MGRN1: variants seen among roughly 807,000 people sequenced by gnomAD.
The protein encoded by MGRN1 is mahogunin ring finger 1, also known as E3 ubiquitin-protein ligase MGRN1.
In MGRN1, 29 loss-of-function variants were observed where a neutral mutation model predicts 69.2. The observed-to-expected ratio is 0.42, with a 90% confidence interval of 0.31 to 0.57. MGRN1 has a LOEUF of 0.57. Among genes scored for constraint, MGRN1 ranks in the 20% least tolerant of loss-of-function variants. The probability of loss-of-function intolerance (pLI) is 0.15; values close to 1 mark genes in which losing one functional copy is unlikely to be tolerated. For synonymous variants in MGRN1, 470 were observed against 344.2 expected, an observed-to-expected ratio of 1.37 and a Z score of -4.04; for missense variants, 998 against 796.2, an observed-to-expected ratio of 1.25 and a Z score of -3.05.
intron 5 of MGRN1, among the ~76,000 whole-genome samples, chr16:4,662,892 C>G (rs112530000): frequency 2.0e-5 from 3 of 152,200 alleles, no homozygotes; most frequent in Non-Finnish European, 2.9e-5. Context: ...GTAGTCCCAC[C>G]TGGACATCCG....
At chr16:4,675,356 G>T (rs1012542051) in intron 10 of MGRN1, among the ~76,000 whole-genome samples, 4 of 152,054 alleles carry the variant, frequency 2.6e-5, no homozygotes, top group African/African-American at 9.7e-5. Context: ...AGTGGTCCTC[G>T]TGCCTCCTAA....
At chr16:4,685,421 C>T (rs749758830) in intron 16 of MGRN1, among the ~76,000 whole-genome samples, 13 of 152,222 alleles carry the variant, frequency 8.5e-5, no homozygotes, top group Non-Finnish European at 1.3e-4. Flanking sequence ...GGGAGGGTCT[C>T]GGGCCTTCTT....
intron 1 of MGRN1, among the ~76,000 whole-genome samples, chr16:4,644,928 A>G (rs2078242519): frequency 6.6e-6 from 1 of 152,132 alleles, no homozygotes; most frequent in Non-Finnish European, 1.5e-5. Context: ...TTGCTTTAAC[A>G]AACACTCTTC....
In MGRN1 at chr16:4,654,190, C is replaced by T. The variant is rs191087228; in HGVS notation, c.443+1366C>T. Among the ~76,000 whole-genome samples the T allele has an allele frequency of 7.5e-4, 114 of 152,286 alleles. 1 individual carries two copies. Among genetic ancestry groups the T allele is most frequent in the Non-Finnish European group, 1.3e-3 (89 of 68,020 alleles). On this transcript the variant is annotated intron_variant, in intron 4 of 16. Coordinates refer to ENST00000262370, the MANE Select transcript of MGRN1 (RefSeq NM_015246.4). ...CACCTCACTGGCACATAAGACACTC[C>T]TACCACCCGGGAAATTCCAAGGGTT...
In MGRN1 at chr16:4,688,386, C is replaced by A. The variant is rs77453132; in HGVS notation, c.1619-410C>A. On this transcript the variant is annotated intron_variant, in intron 16 of 16. Coordinates refer to ENST00000262370, the MANE Select transcript of MGRN1 (RefSeq NM_015246.4). ...GCTTGTTCTCACCCAGGGCCGCTCC[C>A]CACCCCTGCACCCTGGGTTGACCGA... 7 of 1,006,934 alleles carry A rather than the reference C, an allele frequency of 7.0e-6. No individual in the cohort carries two copies. The African/African-American group carries it at 1.2e-4, about 17-fold the overall frequency. 62.4% of individuals were successfully genotyped at this position (1,006,934 alleles called of 1,614,324 possible). A position where few individuals can be genotyped will look rare whatever the true frequency, so the allele number is the denominator to read the frequency against.
At position 4,668,762 on chromosome 16, in the gene MGRN1, T is replaced by TCACA. The variant is rs56203615; in HGVS notation, c.726+457_726+460dup. Among the ~76,000 whole-genome samples the TCACA allele has an allele frequency of 3.2e-3, 481 of 149,884 alleles. 2 individuals are homozygous for TCACA. The highest frequency in any genetic ancestry group is 0.011 in the African/African-American group (459 of 40,330). The stretch of plus-strand genomic sequence containing the variant: ...TACTGATACACACACATATACCCAT[T>TCACA]CACACACACATAGACATTCATACAC... On this transcript the variant is annotated intron_variant, in intron 8 of 16. Coordinates refer to ENST00000262370, the MANE Select transcript of MGRN1 (RefSeq NM_015246.4).
At position 4,683,384 on chromosome 16, in the gene MGRN1, C is replaced by T. The variant is rs980186462; in HGVS notation, c.1528+115C>T. 5.4e-6 allele frequency: 7 copies of T among 1,303,518 alleles called. No homozygotes were observed. In the African/African-American group the frequency reaches 7.4e-5, roughly 14 times the overall value. 80.7% of individuals were successfully genotyped at this position (1,303,518 alleles called of 1,614,324 possible). On this transcript the variant is annotated intron_variant, in intron 15 of 16. Coordinates refer to ENST00000262370, the MANE Select transcript of MGRN1 (RefSeq NM_015246.4). ...CCAGCACCTCTTCTGCCCCAGGAAC[C>T]CTCGGCCAAGAGGCCCCCCTCGGCG...
In MGRN1 at chr16:4,689,081, T is replaced by A; in HGVS notation, c.*173T>A. ...AGCACAGTGAACTGTCCCTTCTGAG[T>A]CTCCCTTTTCTACAGTTGATATATT... On this transcript the variant is annotated 3_prime_UTR_variant, in exon 17 of 17. Coordinates refer to ENST00000262370, the MANE Select transcript of MGRN1 (RefSeq NM_015246.4). 1.2e-6 allele frequency: 1 copy of A among 819,454 alleles called. No individual in the cohort carries two copies. The highest frequency in any genetic ancestry group is 1.8e-6 in the Non-Finnish European group (1 of 556,746). The allele number at this position is 819,454 out of a possible 1,614,324, so 50.8% of individuals were successfully genotyped here. A position where few individuals can be genotyped will look rare whatever the true frequency, so the allele number is the denominator to read the frequency against.
chr16:4,662,058 C>T (rs187907404), intron 5 of MGRN1, among the ~76,000 whole-genome samples: 3 of 152,260 alleles, frequency 2.0e-5, no homozygotes, highest in Admixed American at 6.5e-5. Context: ...CTCCCTGGTT[C>T]GCAGTCGGGT....
At chr16:4,667,590 C>G (rs2078833668) in intron 7 of MGRN1, among the ~76,000 whole-genome samples, 1 of 152,206 alleles carries the variant, frequency 6.6e-6, no homozygotes. Context: ...GTCCAACATT[C>G]TGGAAATTTC....
intron 3 of MGRN1, among the ~76,000 whole-genome samples, chr16:4,652,266 G>T (rs1567193719): frequency 6.6e-6 from 1 of 152,164 alleles, no homozygotes; most frequent in Non-Finnish European, 1.5e-5. Context: ...GCCGCACAGG[G>T]ACCCTGGGCA....
At chr16:4,657,096 G>A (rs1006213817) in intron 4 of MGRN1, 150 bp from the exon 5 acceptor site, 17 of 706,902 alleles carry the variant, frequency 2.4e-5, no homozygotes, top group Admixed American at 9.0e-5. Flanking sequence ...TGAGGGCCAC[G>A]TGGCCATGTA....
intron 1 of MGRN1, among the ~76,000 whole-genome samples, chr16:4,639,475 G>A (rs951695930): frequency 6.6e-6 from 1 of 152,186 alleles, no homozygotes; most frequent in Non-Finnish European, 1.5e-5. Context: ...TTCACCATTG[G>A]GCATCATTAG....
chr16:4,680,598 G>T (rs1233389173), intron 12 of MGRN1: 1 of 159,344 alleles, frequency 6.3e-6, no homozygotes, highest in Non-Finnish European at 1.4e-5. Context: ...GGCAGACCCA[G>T]CCGAAACCCT....
intron 12 of MGRN1, among the ~76,000 whole-genome samples, chr16:4,681,164 G>C (rs922781097): frequency 6.6e-6 from 1 of 152,208 alleles, no homozygotes; most frequent in Admixed American, 6.5e-5. Context: ...GCCCCTGACC[G>C]TGTCTCTCGC....
At chr16:4,668,608 ACACT>A (rs972900177) in intron 8 of MGRN1, among the ~76,000 whole-genome samples, 21 of 151,342 alleles carry the variant, frequency 1.4e-4, no homozygotes, top group East Asian at 5.8e-4. Flanking sequence ...ACATACACTC[ACACT>A]CACATGCAGT....
At position 4,625,106 on chromosome 16, in the gene MGRN1, G is replaced by A. The variant is rs1011944403; in HGVS notation, c.88+58G>A. 2.2e-5 allele frequency: 31 copies of A among 1,433,478 alleles called. No homozygotes were observed. The Admixed American group carries it at 8.8e-4, about 41-fold the overall frequency. 88.8% of individuals were successfully genotyped at this position (1,433,478 alleles called of 1,614,324 possible). ...GCACGCGCTGGAACGCGGACCCGGC[G>A]GGCGCGGGGGCGGGGACTCGGGGCG... On this transcript the variant is annotated intron_variant, in intron 1 of 16. Coordinates refer to ENST00000262370, the MANE Select transcript of MGRN1 (RefSeq NM_015246.4).
intron 16 of MGRN1, chr16:4,686,584 G>A: frequency 7.7e-7 from 1 of 1,296,230 alleles, no homozygotes; most frequent in Non-Finnish European, 9.8e-7. Flanking sequence ...AGGGGCCCTG[G>A]AACAGTCCCA....
Position 4,681,497 on chromosome 16 carries a change from G to A in MGRN1, c.1132-53G>A, listed in dbSNP as rs546188859. The stretch of plus-strand genomic sequence containing the variant: ...CAGGAGGTCATCAGGAGGAGCGTCT[G>A]GGGAGCAGGTGGTCCCTGGGCATGA... On this transcript the variant is annotated intron_variant, in intron 12 of 16. Transcript: ENST00000262370. 13 of 1,530,022 alleles carry A rather than the reference G, an allele frequency of 8.5e-6. No individual in the cohort carries two copies. The African/African-American group carries it at 1.4e-4, about 16-fold the overall frequency. The allele number at this position is 1,530,022 out of a possible 1,614,324, so 94.8% of individuals were successfully genotyped here.
Sources: allele counts gnomAD v4.1 joint callset (sites outside exome capture counted in the v4.1 genomes callset), GRCh38; gene constraint gnomAD v4.1.1; transcripts MANE v1.5; gene names NCBI Gene and HGNC (gene_info 2026-07-23, HGNC 2026-07-21).